The following FMR1NB variants were observed in gnomAD, a reference collection of about 807,000 sequenced individuals.
The protein encoded by FMR1NB is FMR1 neighbor protein.
In FMR1NB, 10 loss-of-function variants were observed where a neutral mutation model predicts 16.8. That is an observed-to-expected ratio of 0.60 (90% CI 0.37 to 1.01). The LOEUF is 1.01. FMR1NB is among the 50% of genes least tolerant of loss of function. FMR1NB has a pLI of 0.01. For missense variants in FMR1NB, 205 were observed against 204.8 expected (o/e 1.00, Z 0.00); for synonymous variants, 83 against 79.1 (o/e 1.05, Z -0.26).
At chrX:148,014,998 CG>C (rs2044642970) in intron 4 of FMR1NB, among the ~76,000 whole-genome samples, 1 of 111,322 alleles carries the variant, frequency 9.0e-6, no homozygotes, top group Non-Finnish European at 1.9e-5. Context: ...GCCTTGCTCT[CG>C]TTACTTGTTA....
chrX:147,981,346 G>A lies in FMR1NB; in HGVS notation c.-57G>A, dbSNP rs1603066103. The A allele has an allele frequency of 7.7e-6, 9 of 1,166,394 alleles. No homozygotes were observed. The South Asian group carries it at 7.9e-5, about 10-fold the overall frequency. On this transcript the variant is annotated 5_prime_UTR_variant, in exon 1 of 6. Coordinates refer to ENST00000370467, the MANE Select transcript of FMR1NB (RefSeq NM_152578.3). ...ACTGCCCCGGAAGCTTCTGGGCCACGGACTGCCGGACCGTTGGGCTGTGAG... is the reference window on the plus strand; with the variant it reads ...ACTGCCCCGGAAGCTTCTGGGCCACAGACTGCCGGACCGTTGGGCTGTGAG...
Position 147,981,537 on chromosome X carries a change from C to T in FMR1NB, c.135C>T (p.Tyr45=), listed in dbSNP as rs782543016. 6.6e-6 allele frequency: 8 copies of T among 1,210,033 alleles called. No individual in the cohort carries two copies. The highest frequency in any genetic ancestry group is 2.3e-4 in the Middle Eastern group (1 of 4,369). The change falls in exon 1 of 6, where the codon TAC becomes TAT. Residue 45 remains tyrosine (Y), a synonymous_variant. Transcript: ENST00000370467. ...ESNPESSHPG[Y]EAAMADRPQP... Reference sequence around the variant, plus strand: ...ATCCCGAGAGCAGCCATCCTGGATACGAGGCCGCCATGGCTGACAGGCCTC... The same window carrying T: ...ATCCCGAGAGCAGCCATCCTGGATATGAGGCCGCCATGGCTGACAGGCCTC...
chrX:147,994,865 A>G (rs1011253871), intron 1 of FMR1NB, among the ~76,000 whole-genome samples: 1 of 112,388 alleles, frequency 8.9e-6, no homozygotes, highest in Non-Finnish European at 1.9e-5. Flanking sequence ...CACTTAATTA[A>G]CATAACAAAA....
chrX:148,010,153 A>G (rs2044616687), intron 4 of FMR1NB, among the ~76,000 whole-genome samples: 2 of 112,000 alleles, frequency 1.8e-5, no homozygotes, highest in South Asian at 7.4e-4. Flanking sequence ...ATCCTAATAT[A>G]TTTCCTTCTT....
intron 4 of FMR1NB, among the ~76,000 whole-genome samples, chrX:148,014,036 T>G (rs1232096867): frequency 2.7e-5 from 3 of 111,651 alleles, no homozygotes; most frequent in Non-Finnish European, 3.8e-5. Flanking sequence ...AGTACCAGCC[T>G]TGAGTGCCTT....
At chrX:148,006,524 T>C (rs1197074644) in intron 2 of FMR1NB, among the ~76,000 whole-genome samples, 178 bp from the exon 3 acceptor site, 1 of 112,664 alleles carries the variant, frequency 8.9e-6, no homozygotes, top group Non-Finnish European at 1.9e-5. Flanking sequence ...GAAAATGTGA[T>C]ATTAAATAAC....
intron 2 of FMR1NB, among the ~76,000 whole-genome samples, chrX:148,006,021 G>A (rs1275169142): frequency 4.5e-5 from 5 of 111,628 alleles, no homozygotes; most frequent in Admixed American, 9.6e-5. Context: ...TTTTTAGTTT[G>A]TATTTGTTTC....
chrX:148,009,383 C>T (rs1557189430), intron 4 of FMR1NB, among the ~76,000 whole-genome samples: 2 of 110,766 alleles, frequency 1.8e-5, no homozygotes, highest in Non-Finnish European at 1.9e-5. Flanking sequence ...AGTCATCTGC[C>T]ATTGGTCTTT....
intron 4 of FMR1NB, among the ~76,000 whole-genome samples, chrX:148,013,056 A>G (rs782412110): frequency 7.2e-4 from 80 of 111,638 alleles, no homozygotes; most frequent in African/African-American, 2.5e-3. Flanking sequence ...AATGTGAGCA[A>G]ACTGGAACTC....
At chrX:147,989,575 A>G (rs111354768) in intron 1 of FMR1NB, among the ~76,000 whole-genome samples, 16,297 of 111,488 alleles carry the variant, frequency 0.15, 1,631 homozygotes, top group African/African-American at 0.37. Flanking sequence ...TCTCTTCAGA[A>G]GTGGCAGGCA....
intron 4 of FMR1NB, among the ~76,000 whole-genome samples, chrX:148,023,656 C>T (rs1416453205): frequency 9.0e-6 from 1 of 111,370 alleles, no homozygotes; most frequent in African/African-American, 3.3e-5. Context: ...TTCTTTTTTT[C>T]TGTCTTTGGA....
chrX:148,024,815 T>G, intron 4 of FMR1NB, 50 bp from the exon 5 acceptor site: 1 of 1,184,414 alleles, frequency 8.4e-7, no homozygotes, highest in Admixed American at 2.3e-5. Flanking sequence ...CCCATTGTTA[T>G]TCTATCACTA....
At chrX:147,991,284 A>C (rs1334759917) in intron 1 of FMR1NB, among the ~76,000 whole-genome samples, 1 of 108,049 alleles carries the variant, frequency 9.3e-6, no homozygotes, top group African/African-American at 3.4e-5. Flanking sequence ...ATGAAATAAT[A>C]ACCTCCTTCA....
At chrX:147,991,230 C>T (rs1318140692) in intron 1 of FMR1NB, among the ~76,000 whole-genome samples, 3 of 108,870 alleles carry the variant, frequency 2.8e-5, no homozygotes, top group Admixed American at 2.0e-4. Context: ...AGACCTTTCT[C>T]CCTCATCTCC....
intron 1 of FMR1NB, among the ~76,000 whole-genome samples, chrX:147,988,432 C>T (rs181295991): frequency 8.8e-4 from 98 of 111,727 alleles, no homozygotes; most frequent in African/African-American, 3.1e-3. Flanking sequence ...TGTCTTGCTG[C>T]TCTTAACATT....
At chrX:148,010,491 C>G (rs5951866) in intron 4 of FMR1NB, among the ~76,000 whole-genome samples, 87 of 111,760 alleles carry the variant, frequency 7.8e-4, no homozygotes, top group African/African-American at 2.8e-3. Context: ...CAAGTGCAGG[C>G]CATAGTCAGC....
chrX:148,004,258 C>T (rs782705293), intron 2 of FMR1NB, among the ~76,000 whole-genome samples: 2 of 111,847 alleles, frequency 1.8e-5, no homozygotes, highest in East Asian at 5.6e-4. Context: ...CACAGTTAGT[C>T]GTAAACAACA....
At chrX:147,992,879 C>T (rs1308622969) in intron 1 of FMR1NB, among the ~76,000 whole-genome samples, 1 of 92,216 alleles carries the variant, frequency 1.1e-5, no homozygotes, top group African/African-American at 4.8e-5. Flanking sequence ...AAGAGGCGCT[C>T]CTCACTTCCT....
chrX:148,013,434 G>A (rs1603084634), intron 4 of FMR1NB, among the ~76,000 whole-genome samples: 1 of 111,434 alleles, frequency 9.0e-6, no homozygotes, highest in East Asian at 2.8e-4. Context: ...ATCTCAGTCT[G>A]CTTTTCTTTG....
Sources: gnomAD v4.1 joint callset for allele counts (sites outside exome capture counted in the v4.1 genomes callset) on GRCh38, gnomAD v4.1.1 for gene constraint, MANE v1.5 for transcripts, NCBI Gene and HGNC (gene_info 2026-07-23, HGNC 2026-07-21) for gene names.